Variants in CHN2 observed in about 807,000 individuals in gnomAD.
The protein encoded by CHN2 is beta-chimaerin.
CHN2 carries 35 observed loss-of-function variants against 56.3 expected under a neutral mutation model. That is an observed-to-expected ratio of 0.62 (90% CI 0.47 to 0.82). CHN2 has a LOEUF of 0.82. CHN2 is among the 40% of genes least tolerant of loss of function. CHN2 has a pLI of 0.00. For synonymous variants in CHN2, 210 were observed against 212.8 expected (o/e 0.99, Z 0.12); for missense variants, 491 against 580.5 (o/e 0.85, Z 1.58).
chr7:29,319,184 T>C (rs1297049232), intron 1 of CHN2, among the ~76,000 whole-genome samples: 1 of 152,226 alleles, frequency 6.6e-6, no homozygotes, highest in East Asian at 1.9e-4. Flanking sequence ...AACTCTTATG[T>C]ACTTCTTGGG....
intron 8 of CHN2, among the ~76,000 whole-genome samples, chr7:29,499,409 T>C (rs1789691602): frequency 6.6e-6 from 1 of 151,948 alleles, no homozygotes; most frequent in African/African-American, 2.4e-5. Flanking sequence ...AAAGCAAAGA[T>C]TAGAGAGTCC....
chr7:29,326,561 A>G (rs1282380706), intron 1 of CHN2, among the ~76,000 whole-genome samples: 2 of 152,252 alleles, frequency 1.3e-5, no homozygotes, highest in Admixed American at 6.5e-5. Context: ...TCACCAGAGC[A>G]GCTCCATACT....
intron 3 of CHN2, 23 bp from the exon 4 acceptor site, chr7:29,393,656 A>AT (rs567816067): frequency 5.4e-4 from 466 of 870,524 alleles, no homozygotes; most frequent in Non-Finnish European, 6.1e-4. Context: ...TGCATTATTA[A>AT]TTTTTTTTTC....
chr7:29,207,120 C>T (rs1422824999), intron 1 of CHN2, among the ~76,000 whole-genome samples: 1 of 152,088 alleles, frequency 6.6e-6, no homozygotes, highest in African/African-American at 2.4e-5. Flanking sequence ...ATTTATAGCT[C>T]AATAAAGCCA....
At chr7:29,244,632 A>G (rs538211747) in intron 1 of CHN2, among the ~76,000 whole-genome samples, 5 of 152,286 alleles carry the variant, frequency 3.3e-5, no homozygotes, top group African/African-American at 1.2e-4. Flanking sequence ...CGTGCGCGCC[A>G]TATGTTGTCA....
At chr7:29,478,267 T>C (rs1456132149) in intron 6 of CHN2, among the ~76,000 whole-genome samples, 1 of 152,060 alleles carries the variant, frequency 6.6e-6, no homozygotes, top group Non-Finnish European at 1.5e-5. Context: ...ACAGAAGAGA[T>C]GTTGTAGGAT....
chr7:29,238,603 A>C (rs1201006306), intron 1 of CHN2, among the ~76,000 whole-genome samples: 1 of 152,238 alleles, frequency 6.6e-6, no homozygotes, highest in Non-Finnish European at 1.5e-5. Context: ...TCTAGCTGAG[A>C]GTTACAACAA....
intron 2 of CHN2, among the ~76,000 whole-genome samples, chr7:29,183,732 G>A (rs531416863): frequency 7.6e-4 from 116 of 152,244 alleles, no homozygotes; most frequent in Non-Finnish European, 1.1e-3. Context: ...GAACCAATAA[G>A]AGAGATATAT....
At chr7:29,401,267 C>CAA (rs1018043797) in intron 6 of CHN2, 5 of 131,700 alleles carry the variant, frequency 3.8e-5, no homozygotes, top group Non-Finnish European at 8.1e-5. Context: ...GACTCCGTCT[C>CAA]AAAAAAAAAA....
intron 6 of CHN2, among the ~76,000 whole-genome samples, chr7:29,464,205 G>A (rs1175153521): frequency 6.6e-6 from 1 of 152,136 alleles, no homozygotes; most frequent in Non-Finnish European, 1.5e-5. Context: ...TATGTGTATT[G>A]CCTGTTTCAA....
intron 6 of CHN2, among the ~76,000 whole-genome samples, chr7:29,431,763 G>A (rs971792131): frequency 6.6e-6 from 1 of 152,096 alleles, no homozygotes; most frequent in African/African-American, 2.4e-5. Flanking sequence ...AGGGAGGAGG[G>A]CCACAGGGCC....
intron 6 of CHN2, among the ~76,000 whole-genome samples, chr7:29,417,224 C>T (rs1180596678): frequency 4.6e-5 from 7 of 151,340 alleles, no homozygotes; most frequent in African/African-American, 1.7e-4. Flanking sequence ...ACTTCATCAA[C>T]ATTTGTTGAG....
intron 9 of CHN2, among the ~76,000 whole-genome samples, chr7:29,504,445 G>T (rs1790336735): frequency 6.6e-6 from 1 of 152,192 alleles, no homozygotes; most frequent in Non-Finnish European, 1.5e-5. Flanking sequence ...ACACAGGAAA[G>T]GAAGTAAGGG....
chr7:29,180,100 C>T (rs1797868413), intron 2 of CHN2, among the ~76,000 whole-genome samples: 1 of 152,176 alleles, frequency 6.6e-6, no homozygotes, highest in Non-Finnish European at 1.5e-5. Context: ...ACATGTGTTT[C>T]ATTCTTAATA....
intron 6 of CHN2, among the ~76,000 whole-genome samples, chr7:29,446,882 G>C (rs1784069927): frequency 6.6e-6 from 1 of 152,156 alleles, no homozygotes; most frequent in Non-Finnish European, 1.5e-5. Context: ...CCTTGGGAGA[G>C]TACTCAGGAT....
chr7:29,442,308 G>T (rs1783705031), intron 6 of CHN2, among the ~76,000 whole-genome samples: 1 of 152,166 alleles, frequency 6.6e-6, no homozygotes, highest in South Asian at 2.1e-4. Context: ...TGCATCTCAG[G>T]TTACAGTGGC....
rs144642761 is a variant in CHN2 at position 29,158,587 on chromosome 7, C to T, written c.274+11627C>T. On this transcript the variant is annotated intron_variant, in intron 2 of 6. Coordinates refer to the CHN2 transcript ENST00000439384. ...AAAATATTTCCTTCAACATCCTCTACGAGATCTGTTTTCACATGTGTAGAG... is the reference window on the plus strand; with the variant it reads ...AAAATATTTCCTTCAACATCCTCTATGAGATCTGTTTTCACATGTGTAGAG... Among the ~76,000 whole-genome samples, 29 of 152,278 alleles carry T rather than the reference C, an allele frequency of 1.9e-4. No homozygotes were observed. In the Middle Eastern group the frequency reaches 0.01, roughly 54 times the overall value.
At chr7:29,510,214 C>T (rs1023313689) in intron 12 of CHN2, among the ~76,000 whole-genome samples, 3 of 152,284 alleles carry the variant, frequency 2.0e-5, no homozygotes, top group African/African-American at 7.2e-5. Context: ...TTTATTATCT[C>T]ATAGTTTCTA....
rs1554298721 is a variant in CHN2, at chr7:29,472,295, A to ACACG, written c.577-7980_577-7977dup. The stretch of plus-strand genomic sequence containing the variant: ...AATACACACACACACACACACACAC[A>ACACG]CACGCACACACACACATTAGACACA... On this transcript the variant is annotated intron_variant, in intron 6 of 12. Transcript: ENST00000222792. Among the ~76,000 whole-genome samples, 6 of 149,856 alleles carry ACACG rather than the reference A, an allele frequency of 4.0e-5. 1 individual carries two copies. The highest frequency in any genetic ancestry group is 6.8e-3 in the Middle Eastern group (2 of 292).
Sources: allele counts gnomAD v4.1 joint callset (sites outside exome capture counted in the v4.1 genomes callset), GRCh38; gene constraint gnomAD v4.1.1; transcripts MANE v1.5; gene names NCBI Gene and HGNC (gene_info 2026-07-23, HGNC 2026-07-21).